The following MC3R variants were observed in gnomAD, a reference collection of about 807,000 sequenced individuals.
MC3R encodes melanocortin 3 receptor.
A neutral mutation model predicts 14.0 loss-of-function variants in MC3R; 12 were observed. The ratio of observed to expected loss-of-function variants is 0.86; its 90% CI spans 0.55 to 1.39. The LOEUF (loss-of-function observed/expected upper bound fraction) is 1.39, where lower values mean the gene tolerates loss of function less well. Among genes scored for constraint, MC3R ranks in the 40% most tolerant of loss-of-function variants. MC3R has a pLI of 0.00. For synonymous variants in MC3R, 174 were observed against 180.5 expected (o/e 0.96, Z 0.29); for missense variants, 432 against 433.6 (o/e 1.00, Z 0.03).
Position 56,249,192 on chromosome 20 carries a change from GACA to G in MC3R, c.353_355del (p.Asn118del). On this transcript the variant is annotated inframe_deletion, in exon 1 of 1. Coordinates refer to ENST00000243911, the MANE Select transcript of MC3R (RefSeq NM_019888.3). ...CGAGGACCAGTTTATCCAGCACATG[GACA>G]ACATCTTCGACTCCATGATCTGCAT... 16 of 1,614,090 alleles carry G rather than the reference GACA, an allele frequency of 9.9e-6. No individual in the cohort carries two copies. The highest frequency in any genetic ancestry group is 1.3e-5 in the Non-Finnish European group (15 of 1,180,006).
At position 56,249,547 on chromosome 20, in the gene MC3R, A is replaced by G. The variant is rs1250533532; in HGVS notation, c.704A>G (p.His235Arg). The change falls in exon 1 of 1, where the codon CAC becomes CGC. Residue 235 changes from histidine (H) to arginine (R), a missense_variant. His to Arg is a conservative substitution (Grantham distance 29). Coordinates refer to ENST00000243911, the MANE Select transcript of MC3R (RefSeq NM_019888.3). The stretch of plus-strand genomic sequence containing the variant: ...GCCGACGGGGTGGCCCCACAGCAAC[A>G]CTCATGCATGAAGGGGGCAGTCACC... The part of the protein sequence containing the change: ...PPADGVAPQQ[H>R]SCMKGAVTIT... 6.2e-7 allele frequency: 1 copy of G among 1,613,564 alleles called. No individual in the cohort carries two copies. The highest frequency in any genetic ancestry group is 1.7e-5 in the Admixed American group (1 of 59,962).
At position 56,249,071 on chromosome 20, in the gene MC3R, T is replaced by C; in HGVS notation, c.228T>C (p.Phe76=). ...ACCTGCACTCCCCGATGTACTTCTT[T>C]CTCTGCAGCCTGGCGGTGGCCGACA... ...NGNLHSPMYF[F]LCSLAVADML... is the part of the protein sequence containing the mutation. Residue 76 remains phenylalanine (F), a synonymous_variant, in exon 1 of 1, where the codon TTT becomes TTC. Transcript: ENST00000243911. 6.2e-7 allele frequency: 1 copy of C among 1,614,154 alleles called. No homozygotes were observed. Among genetic ancestry groups the C allele is most frequent in the South Asian group, 1.1e-5 (1 of 91,084 alleles).
rs750271035 is a variant in MC3R, at chr20:56,249,740, C to T, written c.897C>T (p.Tyr299=). 1 of 1,614,166 alleles carries T rather than the reference C, an allele frequency of 6.2e-7. No individual in the cohort carries two copies. Among genetic ancestry groups the T allele is most frequent in the South Asian group, 1.1e-5 (1 of 91,080 alleles). The change falls in exon 1 of 1, where the codon TAC becomes TAT. Residue 299 remains tyrosine, a synonymous_variant. Coordinates refer to ENST00000243911, the MANE Select transcript of MC3R (RefSeq NM_019888.3). ...ACTCCGTCATCGACCCACTCATCTACGCTTTCCGGAGCCTGGAATTGCGCA... is the reference window on the plus strand; with the variant it reads ...ACTCCGTCATCGACCCACTCATCTATGCTTTCCGGAGCCTGGAATTGCGCA... ...MCNSVIDPLI[Y]AFRSLELRNT...
Position 56,249,682 on chromosome 20 carries a change from A to G in MC3R, c.839A>G (p.His280Arg). The G allele has an allele frequency of 6.2e-7, 1 of 1,613,850 alleles. No homozygotes were observed. Among genetic ancestry groups the G allele is most frequent in the Non-Finnish European group, 8.5e-7 (1 of 1,179,978 alleles). The change falls in exon 1 of 1, where the codon CAC becomes CGC. Residue 280 changes from histidine to arginine, a missense_variant. His to Arg is a conservative substitution (Grantham distance 29, BLOSUM62 0). Coordinates refer to ENST00000243911, the MANE Select transcript of MC3R (RefSeq NM_019888.3). ...CCCTACTGCATCTGCTACACTGCCC[A>G]CTTCAACACCTACCTGGTCCTCATC... ...TNPYCICYTA[H>R]FNTYLVLIMC...
Position 56,249,001 on chromosome 20 carries a change from T to G in MC3R, c.158T>G (p.Leu53Arg), listed in dbSNP as rs61736060. 4.3e-6 allele frequency: 7 copies of G among 1,614,232 alleles called. No individual in the cohort carries two copies. The highest frequency in any genetic ancestry group is 5.9e-6 in the Non-Finnish European group (7 of 1,180,034). Residue 53 changes from leucine to arginine, a missense_variant, in exon 1 of 1, where the codon CTG (leucine) becomes CGG (arginine). Transcript: ENST00000243911. ...TTCCTGTCTCTGGGCATCGTCAGTC[T>G]GCTGGAAAACATCCTGGTTATCCTG... The part of the protein sequence containing the change: ...EVFLSLGIVS[L>R]LENILVILAV...
Position 56,249,785 on chromosome 20 carries a change from C to G in MC3R, c.942C>G (p.Leu314=). The part of the protein sequence containing the change: ...LELRNTFREI[L]CGCNGMNLG ...TGCGCAACACCTTTAGGGAGATTCT[C>G]TGTGGCTGCAACGGCATGAACTTGG... The change falls in exon 1 of 1, where the codon CTC becomes CTG. Residue 314 remains leucine, a synonymous_variant. Transcript: ENST00000243911. 2 of 1,614,166 alleles carry G rather than the reference C, an allele frequency of 1.2e-6. No individual in the cohort carries two copies. Among genetic ancestry groups the G allele is most frequent in the Non-Finnish European group, 1.7e-6 (2 of 1,180,046 alleles).
At position 56,249,484 on chromosome 20, in the gene MC3R, C is replaced by A. The variant is rs1568966650; in HGVS notation, c.641C>A (p.Ala214Glu). The A allele has an allele frequency of 2.5e-6, 4 of 1,614,136 alleles. No individual in the cohort carries two copies. Among genetic ancestry groups the A allele is most frequent in the East Asian group, 2.2e-5 (1 of 44,872 alleles). ...GTLYVHMFLF[A>E]RLHVKRIAAL... Reference sequence around the variant, plus strand: ...CTCTACGTGCACATGTTCCTCTTTGCGCGGCTGCACGTCAAGCGCATAGCA... The same window carrying A: ...CTCTACGTGCACATGTTCCTCTTTGAGCGGCTGCACGTCAAGCGCATAGCA... Residue 214 changes from alanine (A) to glutamate (E), a missense_variant, in exon 1 of 1, where the codon GCG (alanine) becomes GAG (glutamate). Physicochemically the swap from Ala to Glu is moderately radical, Grantham distance 107. Transcript: ENST00000243911.
chr20:56,248,969 C>A lies in MC3R; in HGVS notation c.126C>A (p.Pro42=), dbSNP rs771132718. 6.2e-7 allele frequency: 1 copy of A among 1,614,182 alleles called. No homozygotes were observed. The highest frequency in any genetic ancestry group is 2.2e-5 in the East Asian group (1 of 44,882). The change falls in exon 1 of 1, where the codon CCC becomes CCA. Residue 42 remains proline, a synonymous_variant. Coordinates refer to ENST00000243911, the MANE Select transcript of MC3R (RefSeq NM_019888.3). ...SAFCEQVFIK[P]EVFLSLGIVS... is the part of the protein sequence containing the mutation. The stretch of plus-strand genomic sequence containing the variant: ...TCTGTGAGCAGGTCTTCATCAAGCC[C>A]GAGGTTTTCCTGTCTCTGGGCATCG...
Position 56,249,800 on chromosome 20 carries a change from C to T in MC3R, c.957C>T (p.Gly319=). The T allele has an allele frequency of 6.2e-7, 1 of 1,614,078 alleles. No homozygotes were observed. Among genetic ancestry groups the T allele is most frequent in the Non-Finnish European group, 8.5e-7 (1 of 1,180,054 alleles). The change falls in exon 1 of 1, where the codon GGC becomes GGT. Residue 319 remains glycine (G), a synonymous_variant. Coordinates refer to ENST00000243911, the MANE Select transcript of MC3R (RefSeq NM_019888.3). ...GGGAGATTCTCTGTGGCTGCAACGG[C>T]ATGAACTTGGGATAGGATGCAGGGC... The part of the protein sequence containing the change: ...TFREILCGCN[G]MNLG
rs759455729 is a variant in MC3R, at chr20:56,249,244, A to G, written c.401A>G (p.Asn134Ser). Residue 134 changes from asparagine to serine, a missense_variant, in exon 1 of 1, where the codon AAC becomes AGC. By Grantham distance (46) the Asn-to-Ser change is conservative. Transcript: ENST00000243911. ...ATCTCCCTGGTGGCCTCCATCTGCA[A>G]CCTCCTGGCCATCGCCGTCGACAGG... ...ICISLVASIC[N>S]LLAIAVDRYV... 1.2e-6 allele frequency: 2 copies of G among 1,613,710 alleles called. No homozygotes were observed. Among genetic ancestry groups the G allele is most frequent in the East Asian group, 2.2e-5 (1 of 44,856 alleles).
In MC3R at chr20:56,249,627, C is replaced by G. The variant is rs757077963; in HGVS notation, c.784C>G (p.Leu262Val). The G allele has an allele frequency of 3.3e-5, 54 of 1,613,644 alleles. No homozygotes were observed. The highest frequency in any genetic ancestry group is 4.3e-5 in the Non-Finnish European group (51 of 1,179,686). ...IFCWAPFFLH[L>V]VLIITCPTNP... ...CTGCTGGGCCCCCTTCTTCCTCCAC[C>G]TGGTCCTCATCATCACCTGCCCCAC... is the stretch of plus-strand genomic sequence containing the variant. The change falls in exon 1 of 1, where the codon CTG becomes GTG. Residue 262 changes from leucine to valine, a missense_variant. Coordinates refer to ENST00000243911, the MANE Select transcript of MC3R (RefSeq NM_019888.3).
chr20:56,248,998 G>T lies in MC3R; in HGVS notation c.155G>T (p.Ser52Ile). The T allele has an allele frequency of 6.2e-7, 1 of 1,614,192 alleles. No individual in the cohort carries two copies. The highest frequency in any genetic ancestry group is 8.5e-7 in the Non-Finnish European group (1 of 1,180,034). ...PEVFLSLGIV[S>I]LLENILVILA... Reference sequence around the variant, plus strand: ...GTTTTCCTGTCTCTGGGCATCGTCAGTCTGCTGGAAAACATCCTGGTTATC... The same window carrying T: ...GTTTTCCTGTCTCTGGGCATCGTCATTCTGCTGGAAAACATCCTGGTTATC... The change falls in exon 1 of 1, where the codon AGT becomes ATT. Residue 52 changes from serine (S) to isoleucine (I), a missense_variant. Transcript: ENST00000243911.
Position 56,249,018 on chromosome 20 carries a change from G to T in MC3R, c.175G>T (p.Val59Phe), listed in dbSNP as rs771525710. The T allele has an allele frequency of 6.2e-7, 1 of 1,614,124 alleles. No homozygotes were observed. The highest frequency in any genetic ancestry group is 8.5e-7 in the Non-Finnish European group (1 of 1,180,020). Residue 59 changes from valine to phenylalanine, a missense_variant, in exon 1 of 1, where the codon GTT becomes TTT. Physicochemically the swap from Val to Phe is conservative, Grantham distance 50. Coordinates refer to ENST00000243911, the MANE Select transcript of MC3R (RefSeq NM_019888.3). ...GIVSLLENIL[V>F]ILAVVRNGNL... ...CGTCAGTCTGCTGGAAAACATCCTG[G>T]TTATCCTGGCCGTGGTCAGGAACGG... is the stretch of plus-strand genomic sequence containing the variant.
Position 56,249,047 on chromosome 20 carries a change from C to A in MC3R, c.204C>A (p.Asn68Lys), listed in dbSNP as rs574634142. ...TCCTGGCCGTGGTCAGGAACGGCAA[C>A]CTGCACTCCCCGATGTACTTCTTTC... ...LVILAVVRNGNLHSPMYFFLC... is the reference protein window; with the variant it reads ...LVILAVVRNGKLHSPMYFFLC... The change falls in exon 1 of 1, where the codon AAC (asparagine) becomes AAA (lysine). Residue 68 changes from asparagine to lysine, a missense_variant. Transcript: ENST00000243911. The A allele has an allele frequency of 6.3e-5, 101 of 1,614,224 alleles. No individual in the cohort carries two copies. Among genetic ancestry groups the A allele is most frequent in the Middle Eastern group, 4.9e-4 (3 of 6,062 alleles).
chr20:56,249,485 G>A lies in MC3R; in HGVS notation c.642G>A (p.Ala214=). 3 of 1,614,088 alleles carry A rather than the reference G, an allele frequency of 1.9e-6. No individual in the cohort carries two copies. The highest frequency in any genetic ancestry group is 1.3e-5 in the African/African-American group (1 of 75,012). Residue 214 remains alanine (A), a synonymous_variant, in exon 1 of 1, where the codon GCG becomes GCA. Transcript: ENST00000243911. The part of the protein sequence containing the change: ...GTLYVHMFLF[A]RLHVKRIAAL... ...TCTACGTGCACATGTTCCTCTTTGC[G>A]CGGCTGCACGTCAAGCGCATAGCAG...
rs756328372 is a variant in MC3R, at chr20:56,249,354, T to C, written c.511T>C (p.Cys171Arg). The part of the protein sequence containing the change: ...ALTLIVAIWV[C>R]CGVCGVVFIV... ...CACCTTGATCGTGGCCATCTGGGTC[T>C]GCTGCGGCGTCTGTGGCGTGGTGTT... is the stretch of plus-strand genomic sequence containing the variant. Residue 171 changes from cysteine (C) to arginine (R), a missense_variant, in exon 1 of 1, where the codon TGC becomes CGC. Physicochemically the swap from Cys to Arg is radical, Grantham distance 180. Coordinates refer to ENST00000243911, the MANE Select transcript of MC3R (RefSeq NM_019888.3). 1.9e-6 allele frequency: 3 copies of C among 1,614,056 alleles called. No homozygotes were observed. The highest frequency in any genetic ancestry group is 8.5e-7 in the Non-Finnish European group (1 of 1,180,042).
chr20:56,249,782 TC>T lies in MC3R; in HGVS notation c.940del (p.Leu314SerfsTer7). 6.2e-7 allele frequency: 1 copy of T among 1,614,104 alleles called. No homozygotes were observed. On this transcript the variant is annotated frameshift_variant, in exon 1 of 1. Coordinates refer to ENST00000243911, the MANE Select transcript of MC3R (RefSeq NM_019888.3). LOFTEE classifies it high-confidence loss of function. ...LELRNTFREI[L>X]CGCNGMNLG Reference sequence around the variant, plus strand: ...AATTGCGCAACACCTTTAGGGAGATTCTCTGTGGCTGCAACGGCATGAACTT... The same window carrying T: ...AATTGCGCAACACCTTTAGGGAGATTTCTGTGGCTGCAACGGCATGAACTT...
Position 56,249,027 on chromosome 20 carries a change from G to T in MC3R, c.184G>T (p.Ala62Ser). The change falls in exon 1 of 1, where the codon GCC becomes TCC. Residue 62 changes from alanine to serine, a missense_variant. Ala to Ser is a moderately conservative substitution (Grantham distance 99, BLOSUM62 1). Transcript: ENST00000243911. ...GCTGGAAAACATCCTGGTTATCCTGGCCGTGGTCAGGAACGGCAACCTGCA... is the reference window on the plus strand; with the variant it reads ...GCTGGAAAACATCCTGGTTATCCTGTCCGTGGTCAGGAACGGCAACCTGCA... The part of the protein sequence containing the change: ...SLLENILVIL[A>S]VVRNGNLHSP... 1.2e-6 allele frequency: 2 copies of T among 1,614,174 alleles called. No individual in the cohort carries two copies. Among genetic ancestry groups the T allele is most frequent in the Non-Finnish European group, 1.7e-6 (2 of 1,180,016 alleles).
Position 56,249,459 on chromosome 20 carries a change from C to G in MC3R, c.616C>G (p.Leu206Val). Residue 206 changes from leucine (L) to valine (V), a missense_variant, in exon 1 of 1, where the codon CTC becomes GTC. By Grantham distance (32) the Leu-to-Val change is conservative (BLOSUM62 1). Coordinates refer to ENST00000243911, the MANE Select transcript of MC3R (RefSeq NM_019888.3). ...FFAMMLLMGT[L>V]YVHMFLFARL... ...CGCCATGATGCTCCTCATGGGCACC[C>G]TCTACGTGCACATGTTCCTCTTTGC... 1 of 1,614,118 alleles carries G rather than the reference C, an allele frequency of 6.2e-7. No homozygotes were observed. The highest frequency in any genetic ancestry group is 8.5e-7 in the Non-Finnish European group (1 of 1,179,974).
Sources: gnomAD v4.1 joint callset for allele counts on GRCh38, gnomAD v4.1.1 for gene constraint, MANE v1.5 for transcripts, NCBI Gene and HGNC (gene_info 2026-07-23, HGNC 2026-07-21) for gene names.